EXOC6B: variants seen among roughly 807,000 people sequenced by gnomAD.
EXOC6B encodes SEC15 homolog B.
In EXOC6B, 54 loss-of-function variants were observed where a neutral mutation model predicts 113.5. The observed-to-expected ratio is 0.48, with a 90% CI of 0.38 to 0.60. The LOEUF is 0.60. Among genes scored for constraint, EXOC6B ranks in the 20% least tolerant of loss-of-function variants. The pLI, the probability that EXOC6B is intolerant of heterozygous loss-of-function variation, is 0.00. For missense variants in EXOC6B, 797 were observed against 977.5 expected, an observed-to-expected ratio of 0.82 and a Z score of 2.46; for synonymous variants, 357 against 339.0, an observed-to-expected ratio of 1.05 and a Z score of -0.58.
intron 6 of EXOC6B, among the ~76,000 whole-genome samples, chr2:72,657,935 T>A (rs978867105): frequency 2.6e-5 from 4 of 151,654 alleles, no homozygotes; most frequent in African/African-American, 9.6e-5. Flanking sequence ...GTATTAATTA[T>A]ATACAATTTT....
intron 20 of EXOC6B, among the ~76,000 whole-genome samples, chr2:72,202,760 C>G (rs1235043913): frequency 2.6e-5 from 4 of 152,214 alleles, no homozygotes; most frequent in African/African-American, 9.7e-5. Flanking sequence ...ACTAGTCCTT[C>G]TCATCTAGTG....
chr2:72,180,650 T>A (rs1441320732), intron 21 of EXOC6B, among the ~76,000 whole-genome samples: 1 of 152,190 alleles, frequency 6.6e-6, no homozygotes, highest in South Asian at 2.1e-4. Flanking sequence ...CACCGGGCTA[T>A]AAATTGCCCC....
chr2:72,552,954 CAA>C (rs1268935134), intron 8 of EXOC6B, among the ~76,000 whole-genome samples: 2 of 151,614 alleles, frequency 1.3e-5, no homozygotes, highest in Non-Finnish European at 2.9e-5. Flanking sequence ...AGAAATCAGA[CAA>C]AGAGTCTTAC....
In EXOC6B at chr2:72,624,417, A is replaced by C. The variant is rs546654468; in HGVS notation, c.670-48749T>G. Reference sequence around the variant, plus strand: ...CCTGGCATAAGTGCTTCTAAAATAAAATACAATGATCTTACTTATAAAAAT... The same window carrying C: ...CCTGGCATAAGTGCTTCTAAAATAACATACAATGATCTTACTTATAAAAAT... On this transcript the variant is annotated intron_variant, in intron 6 of 21. Coordinates refer to ENST00000272427, the MANE Select transcript of EXOC6B (RefSeq NM_015189.3). Among the ~76,000 whole-genome samples the C allele has an allele frequency of 7.9e-5, 12 of 152,230 alleles. No homozygotes were observed. In the South Asian group the frequency reaches 2.1e-3, roughly 26 times the overall value.
At chr2:72,687,794 A>G (rs1677195146) in intron 6 of EXOC6B, among the ~76,000 whole-genome samples, 1 of 152,150 alleles carries the variant, frequency 6.6e-6, no homozygotes, top group Non-Finnish European at 1.5e-5. Context: ...TTTATATACT[A>G]TGTACAGTAA....
chr2:72,431,819 C>T (rs1490652264), intron 18 of EXOC6B, among the ~76,000 whole-genome samples: 1 of 151,958 alleles, frequency 6.6e-6, no homozygotes, highest in Non-Finnish European at 1.5e-5. Context: ...CCCAACGAGC[C>T]CTGGTGTGTG....
chr2:72,455,952 C>T (rs975373984), intron 18 of EXOC6B, among the ~76,000 whole-genome samples: 4 of 152,010 alleles, frequency 2.6e-5, no homozygotes, highest in Non-Finnish European at 5.9e-5. Flanking sequence ...GTGAAAAGAA[C>T]ATGACACAAG....
chr2:72,350,818 A>G (rs2104941555), intron 19 of EXOC6B, among the ~76,000 whole-genome samples: 1 of 152,354 alleles, frequency 6.6e-6, no homozygotes, highest in South Asian at 2.1e-4. Flanking sequence ...CAAGCTACAT[A>G]AGCAACTTCT....
chr2:72,385,023 A>C (rs1258147659), intron 18 of EXOC6B, among the ~76,000 whole-genome samples: 1 of 152,160 alleles, frequency 6.6e-6, no homozygotes. Flanking sequence ...TAAAGTTCGT[A>C]TGGAACCACA....
intron 6 of EXOC6B, among the ~76,000 whole-genome samples, chr2:72,621,125 C>T (rs547607306): frequency 3.3e-5 from 5 of 152,252 alleles, no homozygotes; most frequent in African/African-American, 1.2e-4. Context: ...AGAGTTACCA[C>T]TGGACACATC....
chr2:72,696,210 T>C (rs1677866260), intron 6 of EXOC6B, among the ~76,000 whole-genome samples: 1 of 152,216 alleles, frequency 6.6e-6, no homozygotes, highest in Non-Finnish European at 1.5e-5. Context: ...CAGTTTATTG[T>C]GCTATATTGC....
rs368761196 is a variant in EXOC6B, at chr2:72,718,196, T to G, written c.576A>C (p.Glu192Asp). 3.3e-5 allele frequency: 54 copies of G among 1,613,796 alleles called. No individual in the cohort carries two copies. The African/African-American group carries it at 6.7e-4, about 20-fold the overall frequency. The change falls in exon 6 of 22, where the codon GAA becomes GAC. Residue 192 changes from glutamate to aspartate, a missense_variant. Transcript: ENST00000272427. Reference sequence around the variant, plus strand: ...CGGACATAGAAACATCTTTTATTTCTTCTCGAAGCTTGGGGATGTTGTCCA... The same window carrying G: ...CGGACATAGAAACATCTTTTATTTCGTCTCGAAGCTTGGGGATGTTGTCCA... ...VMVDNIPKLR[E>D]EIKDVSMSDL...
chr2:72,570,790 ATT>A (rs1285145645), intron 7 of EXOC6B, among the ~76,000 whole-genome samples: 3 of 152,066 alleles, frequency 2.0e-5, no homozygotes. Flanking sequence ...ATTTCAGCAG[ATT>A]TTTTTTGTTT....
At chr2:72,302,228 T>C (rs747001270) in intron 20 of EXOC6B, among the ~76,000 whole-genome samples, 1 of 152,238 alleles carries the variant, frequency 6.6e-6, no homozygotes, top group Admixed American at 6.5e-5. Flanking sequence ...TTGATTCTTT[T>C]GCATTTGCTG....
chr2:72,312,303 T>C (rs1687236905), intron 20 of EXOC6B, among the ~76,000 whole-genome samples: 1 of 112,224 alleles, frequency 8.9e-6, no homozygotes, highest in Non-Finnish European at 2.1e-5. Flanking sequence ...TTGTCAATAC[T>C]TTTTTTTTTT....
At chr2:72,417,879 T>C (rs1694628447) in intron 18 of EXOC6B, among the ~76,000 whole-genome samples, 2 of 152,188 alleles carry the variant, frequency 1.3e-5, no homozygotes, top group Admixed American at 6.5e-5. Context: ...ATTTATTTTA[T>C]ATATTTTTAT....
chr2:72,822,869 G>A (rs966485229), intron 1 of EXOC6B, among the ~76,000 whole-genome samples: 4 of 152,056 alleles, frequency 2.6e-5, no homozygotes, highest in African/African-American at 9.7e-5. Context: ...AGTAGTTAAG[G>A]CAAGAGAGCT....
At chr2:72,204,553 GA>G (rs749675848) in intron 20 of EXOC6B, among the ~76,000 whole-genome samples, 63 of 101,540 alleles carry the variant, frequency 6.2e-4, no homozygotes, top group African/African-American at 8.8e-4. Flanking sequence ...ACCAGAAGAA[GA>G]AAAAAAAAAA....
chr2:72,691,289 C>T (rs771110342), intron 6 of EXOC6B, among the ~76,000 whole-genome samples: 1 of 151,958 alleles, frequency 6.6e-6, no homozygotes, highest in Non-Finnish European at 1.5e-5. Flanking sequence ...GAAAAAGGAA[C>T]CAATCCAGCC....
Sources: allele counts gnomAD v4.1 joint callset (sites outside exome capture counted in the v4.1 genomes callset), GRCh38; gene constraint gnomAD v4.1.1; transcripts MANE v1.5; gene names NCBI Gene and HGNC (gene_info 2026-07-23, HGNC 2026-07-21).